UBP1: variants seen among roughly 807,000 people sequenced by gnomAD.
UBP1 encodes the protein upstream binding protein 1, also known as upstream-binding protein 1.
UBP1 carries 22 observed loss-of-function variants against 76.1 expected under a neutral mutation model. That is an observed-to-expected ratio of 0.29 (90% CI 0.21 to 0.41). UBP1 has a LOEUF of 0.41. UBP1 is among the 10% of genes least tolerant of loss of function. The pLI, the probability that UBP1 is intolerant of heterozygous loss-of-function variation, is 1.00. For synonymous variants in UBP1, 224 were observed against 237.1 expected (o/e 0.94, Z 0.51); for missense variants, 436 against 668.1 (o/e 0.65, Z 3.83).
chr3:33,426,592 A>T (rs1342850645), intron 1 of UBP1, among the ~76,000 whole-genome samples: 1 of 152,188 alleles, frequency 6.6e-6, no homozygotes, highest in Non-Finnish European at 1.5e-5. Context: ...TCACCATACT[A>T]TCCCAGACCC....
intron 13 of UBP1, 139 bp downstream of exon 13, chr3:33,396,023 A>G (rs1040963806): frequency 2.0e-5 from 13 of 657,092 alleles, no homozygotes; most frequent in African/African-American, 3.6e-5. Flanking sequence ...GCCACCTCTC[A>G]TTGCTGTCAA....
In UBP1 at chr3:33,440,017, G is replaced by A. The variant is rs1173561082; in HGVS notation, c.-169C>T. The A allele has an allele frequency of 1.7e-6, 1 of 594,310 alleles. No homozygotes were observed. Among genetic ancestry groups the A allele is most frequent in the Non-Finnish European group, 2.7e-6 (1 of 365,146 alleles). The allele number at this position is 594,310 out of a possible 1,614,324, so 36.8% of individuals were successfully genotyped here. ...GAGCTGCGGGGGCCCCACTGGCAGG[G>A]CACGACGAGCCCAGCGAGCAATTGC... On this transcript the variant is annotated 5_prime_UTR_variant, in exon 1 of 16. Coordinates refer to ENST00000283629, the MANE Select transcript of UBP1 (RefSeq NM_014517.5).
upstream of UBP1, chr3:33,441,295 T>G (rs1042220280): frequency 4.6e-5 from 7 of 152,290 alleles, no homozygotes; most frequent in African/African-American, 1.4e-4. Flanking sequence ...TCAGAGTTCC[T>G]TAGGAGCGGC....
intron 8 of UBP1, among the ~76,000 whole-genome samples, chr3:33,406,502 T>C (rs897443020): frequency 6.6e-6 from 1 of 152,214 alleles, no homozygotes; most frequent in Non-Finnish European, 1.5e-5. Context: ...ATATTAAAAG[T>C]ATCAAGTCTC....
Position 33,439,954 on chromosome 3 carries a change from G to C in UBP1, c.-106C>G. 1 of 1,224,090 alleles carries C rather than the reference G, an allele frequency of 8.2e-7. No individual in the cohort carries two copies. The highest frequency in any genetic ancestry group is 1.1e-6 in the Non-Finnish European group (1 of 886,010). The allele number at this position is 1,224,090 out of a possible 1,614,324, so 75.8% of individuals were successfully genotyped here. On this transcript the variant is annotated 5_prime_UTR_variant, in exon 1 of 16. Transcript: ENST00000283629. ...GGGGAGGGCGCGGGTGAAGCCTCCGGAGGGGCGGCGAGTGGTCACCAGCGG... is the reference window on the plus strand; with the variant it reads ...GGGGAGGGCGCGGGTGAAGCCTCCGCAGGGGCGGCGAGTGGTCACCAGCGG...
intron 1 of UBP1, among the ~76,000 whole-genome samples, chr3:33,438,489 T>C (rs1438308399): frequency 6.6e-6 from 1 of 152,170 alleles, no homozygotes; most frequent in Non-Finnish European, 1.5e-5. Flanking sequence ...AGTAGCTCAA[T>C]TTCCTCAACA....
intron 8 of UBP1, among the ~76,000 whole-genome samples, chr3:33,406,660 A>T (rs1344751588): frequency 1.3e-5 from 2 of 152,240 alleles, no homozygotes; most frequent in African/African-American, 2.4e-5. Flanking sequence ...AGATTCTTCT[A>T]ACATTCGAAA....
At chr3:33,395,246 G>A (rs1334328164) in intron 13 of UBP1, among the ~76,000 whole-genome samples, 1 of 151,886 alleles carries the variant, frequency 6.6e-6, no homozygotes, top group Non-Finnish European at 1.5e-5. Flanking sequence ...CAATTTTTCA[G>A]TAAAATTCAA....
chr3:33,430,656 A>G (rs544086507), intron 1 of UBP1, among the ~76,000 whole-genome samples: 106 of 152,352 alleles, frequency 7.0e-4, no homozygotes, highest in Non-Finnish European at 1.4e-3. Flanking sequence ...CTTGCTAGAC[A>G]GTCTTGTCAG....
At chr3:33,392,254 G>A (rs777912235) in intron 15 of UBP1, 7 of 251,406 alleles carry the variant, frequency 2.8e-5, no homozygotes, top group Admixed American at 1.1e-4. Flanking sequence ...CCCAATAGGA[G>A]TTTCATGGAT....
rs2044516214 is a variant in UBP1, at chr3:33,409,513, T to C, written c.644A>G (p.Gln215Arg). ...PFRIQVDTFK[Q>R]NENGEYTDHL... ...ATCTGTGTATTCTCCATTTTCATTC[T>C]GCTTAAAGGTGTCAACCTGGATCCT... The change falls in exon 6 of 16, where the codon CAG becomes CGG. Residue 215 changes from glutamine (Q) to arginine (R), a missense_variant. Physicochemically the swap from Gln to Arg is conservative, Grantham distance 43. Coordinates refer to ENST00000283629, the MANE Select transcript of UBP1 (RefSeq NM_014517.5). The C allele has an allele frequency of 1.2e-6, 2 of 1,613,958 alleles. No homozygotes were observed. The highest frequency in any genetic ancestry group is 1.7e-6 in the Non-Finnish European group (2 of 1,179,998).
intron 1 of UBP1, 101 bp downstream of exon 1, chr3:33,439,635 C>T (rs2045258050): frequency 7.6e-7 from 1 of 1,318,368 alleles, no homozygotes; most frequent in African/African-American, 1.5e-5. Flanking sequence ...GCCCAGGAGG[C>T]CCGCGCACCT....
intron 5 of UBP1, among the ~76,000 whole-genome samples, chr3:33,410,121 C>T (rs1384771390): frequency 6.6e-6 from 1 of 152,206 alleles, no homozygotes; most frequent in Non-Finnish European, 1.5e-5. Flanking sequence ...AACCCACTAC[C>T]CATCCTATTC....
rs376062218 is a variant in UBP1, at chr3:33,436,351, A to G, written c.113+3385T>C. On this transcript the variant is annotated intron_variant, in intron 1 of 15. Coordinates refer to ENST00000283629, the MANE Select transcript of UBP1 (RefSeq NM_014517.5). ...TGTACAATAGATTTCTTAAATAAACATTTTACCTTTCAATCAACATAGGAA... is the reference window on the plus strand; with the variant it reads ...TGTACAATAGATTTCTTAAATAAACGTTTTACCTTTCAATCAACATAGGAA... Among the ~76,000 whole-genome samples the G allele has an allele frequency of 5.5e-4, 84 of 152,346 alleles. 1 individual carries two copies. Among genetic ancestry groups the G allele is most frequent in the African/African-American group, 1.9e-3 (79 of 41,582 alleles).
At position 33,426,030 on chromosome 3, in the gene UBP1, TATATATATAG is replaced by T. The variant is rs1201763358; in HGVS notation, c.114-299_114-290del. 6.0e-3 allele frequency among the ~76,000 whole-genome samples: 507 copies of T among 84,580 alleles called. 29 individuals are homozygous for T. The Admixed American group carries it at 0.062, about 10-fold the overall frequency. The allele number at this position is 84,580 out of a possible 152,430, so 55.5% of individuals were successfully genotyped here. On this transcript the variant is annotated intron_variant, in intron 1 of 15. Transcript: ENST00000283629. Reference sequence around the variant, plus strand: ...ATATATATATATATATATATATATATATATATATAGCACTTTAAAAACTTCTTTTAAAACT... The same window carrying T: ...ATATATATATATATATATATATATATCACTTTAAAAACTTCTTTTAAAACT...
chr3:33,392,516 A>C (rs763880538), intron 15 of UBP1, 47 bp downstream of exon 15: 3 of 1,539,132 alleles, frequency 1.9e-6, no homozygotes, highest in African/African-American at 1.4e-5. Flanking sequence ...GGCACACACC[A>C]TCTCTCATGA....
intron 2 of UBP1, among the ~76,000 whole-genome samples, chr3:33,423,679 A>AC (rs2044957935): frequency 1.3e-5 from 2 of 152,192 alleles, no homozygotes; most frequent in Non-Finnish European, 2.9e-5. Context: ...TAATACTTCA[A>AC]AAAAATTTTG....
At chr3:33,408,859 C>G in intron 7 of UBP1, 62 bp from the exon 8 acceptor site, 1 of 1,376,008 alleles carries the variant, frequency 7.3e-7, no homozygotes. Context: ...GATCTAACAC[C>G]CTGTTTCATG....
In UBP1 at chr3:33,388,971, A is replaced by T. The variant is rs762732294; in HGVS notation, c.*1360T>A. 6.6e-6 allele frequency: 1 copy of T among 152,204 alleles called. No individual in the cohort carries two copies. Among genetic ancestry groups the T allele is most frequent in the Non-Finnish European group, 1.5e-5 (1 of 68,036 alleles). 9.4% of individuals were successfully genotyped at this position (152,204 alleles called of 1,614,324 possible). A position where few individuals can be genotyped will look rare whatever the true frequency, so the allele number is the denominator to read the frequency against. ...CAAATCAGGACACCTGGGTATATGG[A>T]CAAAGATATCCTACAATTAAAATGG... On this transcript the variant is annotated 3_prime_UTR_variant, in exon 16 of 16. Transcript: ENST00000283629.
Sources: allele counts gnomAD v4.1 joint callset (sites outside exome capture counted in the v4.1 genomes callset), GRCh38; gene constraint gnomAD v4.1.1; transcripts MANE v1.5; gene names NCBI Gene and HGNC (gene_info 2026-07-23, HGNC 2026-07-21).